DNAAF11: variants seen among roughly 807,000 people sequenced by gnomAD.
DNAAF11 encodes the protein dynein axonemal assembly factor 11, also known as leucine rich repeat containing 6.
In DNAAF11, 45 loss-of-function variants were observed where a neutral mutation model predicts 60.8. That is an observed-to-expected ratio of 0.74 (90% confidence interval 0.58 to 0.95). The LOEUF is 0.95. Among genes scored for constraint, DNAAF11 ranks in the 40% least tolerant of loss-of-function variants. The probability of loss-of-function intolerance (pLI) is 0.00; values close to 1 mark genes in which losing one functional copy is unlikely to be tolerated. For missense variants in DNAAF11, 546 were observed against 546.2 expected (o/e 1.00, Z 0.00); for synonymous variants, 191 against 183.5 (o/e 1.04, Z -0.33).
intron 1 of DNAAF11, among the ~76,000 whole-genome samples, chr8:132,674,745 C>T (rs1240413491): frequency 6.6e-6 from 1 of 152,194 alleles, no homozygotes; most frequent in East Asian, 1.9e-4. Context: ...AAAAATTAGC[C>T]TGGCGTGGTG....
chr8:132,580,943 T>C (rs566459111), intron 11 of DNAAF11, among the ~76,000 whole-genome samples: 1 of 152,270 alleles, frequency 6.6e-6, no homozygotes, highest in Middle Eastern at 3.4e-3. Flanking sequence ...ATAAAACTCA[T>C]AAGACTATGG....
At chr8:132,618,863 G>C (rs2130177627) in intron 7 of DNAAF11, among the ~76,000 whole-genome samples, 1 of 152,162 alleles carries the variant, frequency 6.6e-6, no homozygotes, top group African/African-American at 2.4e-5. Context: ...CTGTAAACTA[G>C]TTCAACCACT....
rs144812547 is a variant in DNAAF11, at chr8:132,667,457, A to G, written c.11-5830T>C. Among the ~76,000 whole-genome samples, 677 of 152,362 alleles carry G rather than the reference A, an allele frequency of 4.4e-3. 9 individuals are homozygous for G. The highest frequency in any genetic ancestry group is 0.016 in the African/African-American group (647 of 41,588). On this transcript the variant is annotated intron_variant, in intron 1 of 11. Transcript: ENST00000620350. The stretch of plus-strand genomic sequence containing the variant: ...AATAAAATGCTTTGGAAGCATTAAT[A>G]TGTTATCATAAGACTATTTCAAGAA...
intron 1 of DNAAF11, among the ~76,000 whole-genome samples, chr8:132,669,404 G>A (rs1291916267): frequency 6.6e-6 from 1 of 152,240 alleles, no homozygotes; most frequent in East Asian, 1.9e-4. Context: ...TTGCACTGGT[G>A]TTGAACAGAG....
At chr8:132,626,075 A>T (rs980038691) in intron 5 of DNAAF11, among the ~76,000 whole-genome samples, 2 of 149,114 alleles carry the variant, frequency 1.3e-5, no homozygotes, top group Non-Finnish European at 3.0e-5. Context: ...TTTGAGACGG[A>T]GTCTCCCTCT....
At chr8:132,611,437 C>T in intron 8 of DNAAF11, 74 bp from the exon 9 acceptor site, 2 of 821,288 alleles carry the variant, frequency 2.4e-6, no homozygotes, top group Non-Finnish European at 2.0e-6. Context: ...TATAAATTCA[C>T]ACTTACAGGA....
At chr8:132,670,501 T>C (rs1278192051) in intron 1 of DNAAF11, among the ~76,000 whole-genome samples, 2 of 152,154 alleles carry the variant, frequency 1.3e-5, no homozygotes, top group Non-Finnish European at 1.5e-5. Flanking sequence ...CAAATAAAAC[T>C]ATGGCACAGA....
chr8:132,601,822 G>A (rs1337506924), intron 10 of DNAAF11, among the ~76,000 whole-genome samples: 2 of 152,040 alleles, frequency 1.3e-5, no homozygotes, highest in African/African-American at 2.4e-5. Context: ...ACCTAATGTA[G>A]ATGATGAGTT....
At chr8:132,586,151 G>C (rs191366151) in intron 10 of DNAAF11, among the ~76,000 whole-genome samples, 1 of 152,152 alleles carries the variant, frequency 6.6e-6, no homozygotes, top group Non-Finnish European at 1.5e-5. Context: ...AGAACGGGGG[G>C]AAGGGGTCTC....
At chr8:132,643,775 C>T (rs1822091282) in intron 3 of DNAAF11, 1 of 453,178 alleles carries the variant, frequency 2.2e-6, no homozygotes, top group Non-Finnish European at 4.4e-6. Flanking sequence ...ATTCGTTAGA[C>T]ACTTGTAATA....
chr8:132,625,599 A>G (rs955955537), intron 5 of DNAAF11, 145 bp from the exon 6 acceptor site: 4 of 648,048 alleles, frequency 6.2e-6, no homozygotes, highest in African/African-American at 1.8e-5. Context: ...CAGTTTAACC[A>G]GGCCTGGTTA....
At chr8:132,630,577 A>G (rs555648365) in intron 5 of DNAAF11, among the ~76,000 whole-genome samples, 1 of 152,352 alleles carries the variant, frequency 6.6e-6, no homozygotes, top group Admixed American at 6.5e-5. Flanking sequence ...ATAAGCACTT[A>G]TAATTAAAGA....
At chr8:132,622,804 C>A in intron 6 of DNAAF11, 116 bp from the exon 7 acceptor site, 2 of 716,344 alleles carry the variant, frequency 2.8e-6, no homozygotes, top group South Asian at 1.8e-5. Context: ...ATTAATTGGA[C>A]TTTTACGAAC....
At chr8:132,693,731 T>C in the DNAAF11 span, among the ~76,000 whole-genome samples, 1 of 151,910 alleles carries the variant, frequency 6.6e-6, no homozygotes, top group South Asian at 2.1e-4. Flanking sequence ...GAAGGTGACA[T>C]TTGAGAATGG....
intron 10 of DNAAF11, among the ~76,000 whole-genome samples, chr8:132,601,277 G>A (rs147242418): frequency 0.016 from 2,465 of 152,202 alleles, 44 homozygotes; most frequent in African/African-American, 0.05. Flanking sequence ...GAAACAACAG[G>A]TGCTGGAGAG....
At chr8:132,695,989 G>A in the DNAAF11 span, among the ~76,000 whole-genome samples, 1 of 152,126 alleles carries the variant, frequency 6.6e-6, no homozygotes, top group Admixed American at 6.6e-5. Context: ...AAAATTATTG[G>A]GAGAAAGAAT....
At chr8:132,634,289 T>A (rs1197974376) in intron 4 of DNAAF11, among the ~76,000 whole-genome samples, 1 of 151,976 alleles carries the variant, frequency 6.6e-6, no homozygotes. Context: ...AAGGAAAAAA[T>A]AAAGTTTGTA....
At chr8:132,587,056 T>TAAA (rs1815977258) in intron 10 of DNAAF11, among the ~76,000 whole-genome samples, 1 of 152,158 alleles carries the variant, frequency 6.6e-6, no homozygotes, top group Non-Finnish European at 1.5e-5. Flanking sequence ...TTTGTACAGC[T>TAAA]TTACATTGCA....
chr8:132,666,204 A>G (rs191664633), intron 1 of DNAAF11, among the ~76,000 whole-genome samples: 4 of 152,276 alleles, frequency 2.6e-5, no homozygotes, highest in African/African-American at 9.6e-5. Flanking sequence ...CATCCAATAT[A>G]CCCATGTAAC....
Sources: gnomAD v4.1 joint callset for allele counts (sites outside exome capture counted in the v4.1 genomes callset) on GRCh38, gnomAD v4.1.1 for gene constraint, MANE v1.5 for transcripts, NCBI Gene and HGNC (gene_info 2026-07-23, HGNC 2026-07-21) for gene names.